MTMR8: variants seen among roughly 807,000 people sequenced by gnomAD.
The protein encoded by MTMR8 is phosphatidylinositol-3,5-bisphosphate 3-phosphatase MTMR8.
Under a neutral mutation model 39.3 loss-of-function variants are expected in MTMR8, and 65 were observed. The ratio of observed to expected loss-of-function variants is 1.65; its 90% confidence interval spans 1.35 to 2.03. The LOEUF is 2.03. MTMR8 is among the 30% of genes most tolerant of loss of function. MTMR8 has a pLI of 0.00. For synonymous variants in MTMR8, 245 were observed against 185.2 expected, an observed-to-expected ratio of 1.32 and a Z score of -2.62; for missense variants, 777 against 538.9, an observed-to-expected ratio of 1.44 and a Z score of -4.37.
At chrX:64,293,552 G>T (rs1310171607) in intron 12 of MTMR8, among the ~76,000 whole-genome samples, 1 of 111,384 alleles carries the variant, frequency 9.0e-6, no homozygotes, top group African/African-American at 3.3e-5. Flanking sequence ...AGCCTCACTT[G>T]GGAAGCCTGC....
chrX:64,308,743 A>G (rs940260785), intron 12 of MTMR8, among the ~76,000 whole-genome samples: 4 of 111,738 alleles, frequency 3.6e-5, no homozygotes, highest in African/African-American at 1.3e-4. Flanking sequence ...GTTTTGTTAT[A>G]TAACCTATAT....
At chrX:64,290,446 A>T (rs1470116343) in intron 12 of MTMR8, among the ~76,000 whole-genome samples, 3 of 110,264 alleles carry the variant, frequency 2.7e-5, no homozygotes, top group Non-Finnish European at 5.7e-5. Context: ...ATATATATAT[A>T]AAAAAAAGAA....
intron 12 of MTMR8, among the ~76,000 whole-genome samples, chrX:64,292,542 A>T (rs1364327548): frequency 9.0e-6 from 1 of 110,894 alleles, no homozygotes; most frequent in African/African-American, 3.3e-5. Flanking sequence ...CCTCTAAAGA[A>T]GAAAGCAGCA....
intron 12 of MTMR8, among the ~76,000 whole-genome samples, chrX:64,282,720 G>A (rs1921005444): frequency 9.0e-6 from 1 of 110,950 alleles, no homozygotes; most frequent in Non-Finnish European, 1.9e-5. Context: ...GATAAATTGG[G>A]CTACATCAAA....
intron 6 of MTMR8, among the ~76,000 whole-genome samples, chrX:64,347,698 C>A (rs893710652): frequency 8.9e-6 from 1 of 112,320 alleles, no homozygotes; most frequent in Admixed American, 9.4e-5. Flanking sequence ...ACTTTACATA[C>A]CAAATTATAA....
chrX:64,296,192 T>A (rs924451176), intron 12 of MTMR8, among the ~76,000 whole-genome samples: 1 of 111,890 alleles, frequency 8.9e-6, no homozygotes, highest in Non-Finnish European at 1.9e-5. Context: ...CTAAGTGACA[T>A]AAGCCAGACA....
At position 64,285,857 on chromosome X, in the gene MTMR8, C is replaced by A. The variant is rs1008445260; in HGVS notation, c.1482-14784G>T. Among the ~76,000 whole-genome samples, 6 of 110,430 alleles carry A rather than the reference C, an allele frequency of 5.4e-5. No homozygotes were observed. In the South Asian group the frequency reaches 2.0e-3, roughly 36 times the overall value. On this transcript the variant is annotated intron_variant, in intron 12 of 13. Transcript: ENST00000374852. Reference sequence around the variant, plus strand: ...AGAGGGAAATTTATAGCACTAAATGCCCACAAGAGAAAGCAGGAAAGATCT... The same window carrying A: ...AGAGGGAAATTTATAGCACTAAATGACCACAAGAGAAAGCAGGAAAGATCT...
chrX:64,344,039 C>T (rs1201561709), intron 7 of MTMR8, among the ~76,000 whole-genome samples: 1 of 101,980 alleles, frequency 9.8e-6, no homozygotes, highest in Non-Finnish European at 1.9e-5. Flanking sequence ...TGATCCCTAT[C>T]CTAATCCCAC....
intron 12 of MTMR8, among the ~76,000 whole-genome samples, chrX:64,288,038 A>AAAAAAAAAAAAAAAAC (rs1569210594): frequency 3.7e-5 from 3 of 80,854 alleles, no homozygotes; most frequent in Non-Finnish European, 7.1e-5. Flanking sequence ...AAAAAAAAAA[A>AAAAAAAAAAAAAAAAC]AAAAAAAAAA....
chrX:64,270,871 T>A, intron 13 of MTMR8, 76 bp downstream of exon 13: 2 of 1,101,203 alleles, frequency 1.8e-6, no homozygotes, highest in Non-Finnish European at 2.4e-6. Flanking sequence ...TTTCCACAAG[T>A]ATCAATTCAA....
At chrX:64,317,452 T>C (rs1922502330) in intron 12 of MTMR8, among the ~76,000 whole-genome samples, 1 of 111,906 alleles carries the variant, frequency 8.9e-6, no homozygotes, top group Non-Finnish European at 1.9e-5. Context: ...TCATGTATTC[T>C]TTCCTCTTTC....
rs748526580 is a variant in MTMR8, at chrX:64,301,576, T to C, written c.1481+27196A>G. Among the ~76,000 whole-genome samples the C allele has an allele frequency of 6.3e-3, 705 of 112,095 alleles. 5 individuals are homozygous for C. Among genetic ancestry groups the C allele is most frequent in the African/African-American group, 0.022 (666 of 30,825 alleles). ...TCATCTGAAGCCTTCTTCTCTCAGC[T>C]CGTCAAAGTCATTCTCCATCCAGCT... On this transcript the variant is annotated intron_variant, in intron 12 of 13. Transcript: ENST00000374852.
At chrX:64,369,121 C>T (rs1481500423) in intron 1 of MTMR8, among the ~76,000 whole-genome samples, 3 of 111,975 alleles carry the variant, frequency 2.7e-5, no homozygotes, top group Non-Finnish European at 5.6e-5. Context: ...ACCACAGATG[C>T]TGTAGAGGAT....
At chrX:64,282,804 G>A (rs967320830) in intron 12 of MTMR8, among the ~76,000 whole-genome samples, 2 of 111,557 alleles carry the variant, frequency 1.8e-5, no homozygotes, top group Non-Finnish European at 3.8e-5. Flanking sequence ...GAAAATATTT[G>A]CAAATCATAT....
intron 12 of MTMR8, among the ~76,000 whole-genome samples, chrX:64,285,689 C>T (rs1354723684): frequency 8.9e-6 from 1 of 111,853 alleles, no homozygotes; most frequent in Admixed American, 9.5e-5. Context: ...AACTGCTCAA[C>T]TACATGGAAA....
At chrX:64,301,879 G>A (rs1256780335) in intron 12 of MTMR8, among the ~76,000 whole-genome samples, 14 of 111,825 alleles carry the variant, frequency 1.3e-4, no homozygotes, top group Non-Finnish European at 2.4e-4. Context: ...AGGCTGCTTG[G>A]GGGTCAGGGG....
intron 12 of MTMR8, among the ~76,000 whole-genome samples, chrX:64,275,647 TCA>T (rs1491109647): frequency 7.2e-5 from 5 of 69,899 alleles, no homozygotes; most frequent in African/African-American, 3.6e-4. Flanking sequence ...TGAGTCTCTC[TCA>T]AAAAAAAAAA....
In MTMR8 at chrX:64,356,209, C is replaced by A. The variant is rs1164143362; in HGVS notation, c.277G>T (p.Val93Phe). The A allele has an allele frequency of 8.3e-7, 1 of 1,208,069 alleles. No individual in the cohort carries two copies. Among genetic ancestry groups the A allele is most frequent in the South Asian group, 1.8e-5 (1 of 56,198 alleles). Residue 93 changes from valine to phenylalanine, a missense_variant, in exon 3 of 14, where the codon GTT becomes TTT. Coordinates refer to ENST00000374852, the MANE Select transcript of MTMR8 (RefSeq NM_017677.4). ...VLDSDLVCHE[V>F]YISLLKLSQP... is the part of the protein sequence containing the mutation. ...GAAAGCTTGAGCAGTGAAATATAAACCTCATGGCACACAAGGTCAGAATCT... is the reference window on the plus strand; with the variant it reads ...GAAAGCTTGAGCAGTGAAATATAAAACTCATGGCACACAAGGTCAGAATCT...
chrX:64,337,896 CT>C (rs1434033666), intron 8 of MTMR8, among the ~76,000 whole-genome samples: 3 of 111,570 alleles, frequency 2.7e-5, no homozygotes, highest in African/African-American at 9.8e-5. Flanking sequence ...ATGTAAAGAT[CT>C]GGGCAGTTAT....
Sources: gnomAD v4.1 joint callset for allele counts (sites outside exome capture counted in the v4.1 genomes callset) on GRCh38, gnomAD v4.1.1 for gene constraint, MANE v1.5 for transcripts, NCBI Gene and HGNC (gene_info 2026-07-23, HGNC 2026-07-21) for gene names.